The following DGKI variants were observed in gnomAD, a reference collection of about 807,000 sequenced individuals.
DGKI encodes DAG kinase iota.
In DGKI, 55 loss-of-function variants were observed where a neutral mutation model predicts 147.5. The observed-to-expected ratio is 0.37, with a 90% CI of 0.30 to 0.47. The LOEUF is 0.47. Ranked by LOEUF, DGKI falls within the 20% of genes least tolerant of loss-of-function variation. DGKI has a pLI of 1.00. For synonymous variants in DGKI, 469 were observed against 477.1 expected (o/e 0.98, Z 0.22); for missense variants, 1,007 against 1,323.8 (o/e 0.76, Z 3.71).
chr7:137,738,185 C>T (rs1795078352), intron 1 of DGKI, among the ~76,000 whole-genome samples: 1 of 152,046 alleles, frequency 6.6e-6, no homozygotes, highest in Non-Finnish European at 1.5e-5. Flanking sequence ...TTAGCAGGAC[C>T]ACATGACACT....
intron 1 of DGKI, among the ~76,000 whole-genome samples, chr7:137,767,476 A>AGAAGAG (rs1321322983): frequency 1.9e-4 from 19 of 101,772 alleles, no homozygotes; most frequent in African/African-American, 4.9e-4. Context: ...AGAAGGGAAG[A>AGAAGAG]GAAGAGAAGA....
rs1265418074 is a variant in DGKI, at chr7:137,383,464, G to T, written c.*7756C>A. The T allele has an allele frequency of 6.6e-6, 1 of 151,394 alleles. No individual in the cohort carries two copies. The highest frequency in any genetic ancestry group is 1.5e-5 in the Non-Finnish European group (1 of 67,762). 9.4% of individuals were successfully genotyped at this position (151,394 alleles called of 1,614,324 possible). A position where few individuals can be genotyped will look rare whatever the true frequency, so the allele number is the denominator to read the frequency against. ...CTATCTAGTTGGCAGGAACCTGGGGGAAAAAAATAGGCTCAAATTGAGTTC... is the reference window on the plus strand; with the variant it reads ...CTATCTAGTTGGCAGGAACCTGGGGTAAAAAAATAGGCTCAAATTGAGTTC... On this transcript the variant is annotated 3_prime_UTR_variant, in exon 33 of 33. Transcript: ENST00000614521.
chr7:137,704,228 A>C (rs1008388510), intron 1 of DGKI, among the ~76,000 whole-genome samples: 1 of 152,196 alleles, frequency 6.6e-6, no homozygotes, highest in African/African-American at 2.4e-5. Flanking sequence ...AAAATATTTA[A>C]ATAATTAAAA....
intron 3 of DGKI, among the ~76,000 whole-genome samples, chr7:137,671,453 T>C (rs980162388): frequency 2.6e-5 from 4 of 152,238 alleles, no homozygotes; most frequent in African/African-American, 9.6e-5. Context: ...ATATAAGGCC[T>C]TGTTAAGCCA....
intron 11 of DGKI, among the ~76,000 whole-genome samples, chr7:137,599,416 CT>C (rs758142808): frequency 6.6e-5 from 10 of 152,110 alleles, no homozygotes; most frequent in Non-Finnish European, 1.0e-4. Context: ...CACACTCTCT[CT>C]TTTCAGTTCA....
intron 1 of DGKI, among the ~76,000 whole-genome samples, chr7:137,766,778 GAA>G (rs1796028226): frequency 6.6e-6 from 1 of 152,154 alleles, no homozygotes; most frequent in Non-Finnish European, 1.5e-5. Flanking sequence ...ACGTGAGTCT[GAA>G]AAGAGAGAAT....
chr7:137,692,504 C>T (rs1385520185), intron 1 of DGKI, among the ~76,000 whole-genome samples: 2 of 152,130 alleles, frequency 1.3e-5, no homozygotes, highest in Admixed American at 6.5e-5. Context: ...AAACAAAACG[C>T]TACTGTCAGG....
chr7:137,409,232 T>C (rs948256579), intron 29 of DGKI, among the ~76,000 whole-genome samples: 1 of 152,220 alleles, frequency 6.6e-6, no homozygotes, highest in Non-Finnish European at 1.5e-5. Context: ...TAATCATTTG[T>C]CAATTAAAAA....
chr7:137,459,044 TAC>T (rs1238527526), intron 27 of DGKI, among the ~76,000 whole-genome samples: 1 of 152,218 alleles, frequency 6.6e-6, no homozygotes, highest in African/African-American at 2.4e-5. Context: ...ACTTTGGAAT[TAC>T]AGTCTTTCCT....
At chr7:137,512,214 T>A (rs368128436) in intron 21 of DGKI, among the ~76,000 whole-genome samples, 1 of 152,212 alleles carries the variant, frequency 6.6e-6, no homozygotes, top group African/African-American at 2.4e-5. Context: ...TATAATTTCT[T>A]ATTAAAATCC....
intron 19 of DGKI, among the ~76,000 whole-genome samples, chr7:137,570,260 A>G (rs1818748201): frequency 6.6e-6 from 1 of 152,226 alleles, no homozygotes; most frequent in Non-Finnish European, 1.5e-5. Flanking sequence ...TGGTCCGCAC[A>G]TCATTTAATA....
Position 137,390,836 on chromosome 7 carries a change from T to G in DGKI, c.*384A>C, listed in dbSNP as rs1811331615. Reference sequence around the variant, plus strand: ...AGTTGATGGGTAGTTACAGTAGAATTGTATGGTACAGGGAAAAAAACCAAT... The same window carrying G: ...AGTTGATGGGTAGTTACAGTAGAATGGTATGGTACAGGGAAAAAAACCAAT... On this transcript the variant is annotated 3_prime_UTR_variant, in exon 33 of 33. Coordinates refer to ENST00000614521, the MANE Select transcript of DGKI (RefSeq NM_001321708.2). The G allele has an allele frequency of 1.1e-5, 2 of 186,178 alleles. No individual in the cohort carries two copies. Among genetic ancestry groups the G allele is most frequent in the Admixed American group, 1.1e-4 (2 of 18,484 alleles). 11.5% of individuals were successfully genotyped at this position (186,178 alleles called of 1,614,324 possible).
At position 137,842,261 on chromosome 7, in the gene DGKI, C is replaced by T. The variant is rs185277353; in HGVS notation, c.401+4201G>A. Among the ~76,000 whole-genome samples, 5 of 152,326 alleles carry T rather than the reference C, an allele frequency of 3.3e-5. No individual in the cohort carries two copies. The East Asian group carries it at 7.7e-4, about 23-fold the overall frequency. On this transcript the variant is annotated intron_variant, in intron 1 of 32. Transcript: ENST00000614521. ...GAAGACCAATATCCATTTTATCCTACGTGGCTTCGAACTCCTCAAATATCT... is the reference window on the plus strand; with the variant it reads ...GAAGACCAATATCCATTTTATCCTATGTGGCTTCGAACTCCTCAAATATCT...
intron 1 of DGKI, among the ~76,000 whole-genome samples, chr7:137,833,625 G>C (rs1798281018): frequency 1.3e-5 from 2 of 152,174 alleles, no homozygotes; most frequent in Non-Finnish European, 2.9e-5. Flanking sequence ...CAGAGCAGCA[G>C]GAATTGTCCT....
chr7:137,768,945 G>A lies in DGKI; in HGVS notation c.401+77517C>T, dbSNP rs184505711. 5.0e-4 allele frequency among the ~76,000 whole-genome samples: 76 copies of A among 152,216 alleles called. 2 individuals are homozygous for A. The highest frequency in any genetic ancestry group is 4.9e-3 in the Admixed American group (75 of 15,290). ...GTTAGCACTCTGTATTCTGAGGCACGTTGTAATAGTCATTGTCAGAGGTGC... is the reference window on the plus strand; with the variant it reads ...GTTAGCACTCTGTATTCTGAGGCACATTGTAATAGTCATTGTCAGAGGTGC... On this transcript the variant is annotated intron_variant, in intron 1 of 32. Transcript: ENST00000614521.
intron 6 of DGKI, among the ~76,000 whole-genome samples, chr7:137,634,570 C>T (rs557716185): frequency 6.6e-6 from 1 of 152,270 alleles, no homozygotes; most frequent in Middle Eastern, 3.4e-3. Flanking sequence ...CAGCCTTAAT[C>T]CATTGTTATA....
intron 1 of DGKI, among the ~76,000 whole-genome samples, chr7:137,717,305 A>G (rs1409134210): frequency 6.6e-6 from 1 of 152,206 alleles, no homozygotes; most frequent in Non-Finnish European, 1.5e-5. Context: ...TTGGCTCTCA[A>G]GAAGGAAAAG....
intron 20 of DGKI, among the ~76,000 whole-genome samples, chr7:137,545,018 A>T (rs1817819943): frequency 6.6e-6 from 1 of 152,204 alleles, no homozygotes; most frequent in South Asian, 2.1e-4. Flanking sequence ...AAGGCAGCAG[A>T]CTATGAATTG....
chr7:137,531,708 A>G (rs930350411), intron 20 of DGKI, among the ~76,000 whole-genome samples: 1 of 152,204 alleles, frequency 6.6e-6, no homozygotes, highest in African/African-American at 2.4e-5. Context: ...AATCACAAAC[A>G]GTTGTATTTT....
Sources: gnomAD v4.1 joint callset for allele counts (sites outside exome capture counted in the v4.1 genomes callset) on GRCh38, gnomAD v4.1.1 for gene constraint, MANE v1.5 for transcripts, NCBI Gene and HGNC (gene_info 2026-07-23, HGNC 2026-07-21) for gene names.